The following AP2B1 variants were observed in gnomAD, a reference collection of about 807,000 sequenced individuals.
The protein encoded by AP2B1 is AP-2 complex subunit beta.
In AP2B1, 23 loss-of-function variants were observed where a neutral mutation model predicts 102.0. That is an observed-to-expected ratio of 0.23 (90% CI 0.16 to 0.32). The LOEUF (loss-of-function observed/expected upper bound fraction) is 0.32, where lower values mean the gene tolerates loss of function less well. Ranked by LOEUF, AP2B1 falls within the 10% of genes least tolerant of loss-of-function variation. The pLI, the probability that AP2B1 is intolerant of heterozygous loss-of-function variation, is 1.00. For synonymous variants in AP2B1, 381 were observed against 421.2 expected (o/e 0.90, Z 1.17); for missense variants, 541 against 1,157.4 (o/e 0.47, Z 7.73).
chr17:35,612,744 A>G (rs2073899384), intron 5 of AP2B1, among the ~76,000 whole-genome samples: 1 of 152,116 alleles, frequency 6.6e-6, no homozygotes, highest in Non-Finnish European at 1.5e-5. Context: ...CCCAGACTCC[A>G]TTGCTGGTTA....
At chr17:35,612,273 C>T (rs2073886926) in intron 5 of AP2B1, among the ~76,000 whole-genome samples, 1 of 152,128 alleles carries the variant, frequency 6.6e-6, no homozygotes, top group Non-Finnish European at 1.5e-5. Flanking sequence ...ACCTCACAAG[C>T]CTGAGAACAG....
At chr17:35,588,222 C>T (rs1367505952) in intron 1 of AP2B1, among the ~76,000 whole-genome samples, 3 of 95,750 alleles carry the variant, frequency 3.1e-5, no homozygotes, top group African/African-American at 8.5e-5. Context: ...CAAGAGTAGT[C>T]TTCTATTGGA....
chr17:35,638,693 G>A (rs1009222312), intron 10 of AP2B1, among the ~76,000 whole-genome samples: 6 of 151,956 alleles, frequency 3.9e-5, no homozygotes, highest in Admixed American at 6.6e-5. Context: ...GGAGGCTGAG[G>A]CAGGAGAATG....
Position 35,641,680 on chromosome 17 carries a change from T to C in AP2B1, c.1438-197T>C, listed in dbSNP as rs563544111. The stretch of plus-strand genomic sequence containing the variant: ...GAGGTTAAAAGGGTAGAGTTTTCGG[T>C]TGAATACCTTTGTATTTCCCACGAA... On this transcript the variant is annotated intron_variant, in intron 11 of 21. Coordinates refer to ENST00000610402, the MANE Select transcript of AP2B1 (RefSeq NM_001030006.2). 4.6e-5 allele frequency among the ~76,000 whole-genome samples: 7 copies of C among 152,346 alleles called. No homozygotes were observed. The East Asian group carries it at 7.7e-4, about 17-fold the overall frequency.
At chr17:35,605,326 G>T (rs1003202724) in intron 3 of AP2B1, among the ~76,000 whole-genome samples, 1 of 149,218 alleles carries the variant, frequency 6.7e-6, no homozygotes, top group Middle Eastern at 3.5e-3. Context: ...TCAGCTCACC[G>T]CAAACTCTGC....
rs2075890698 is a variant in AP2B1 at position 35,684,523 on chromosome 17, G to A, written c.2454+1699G>A. On this transcript the variant is annotated intron_variant, in intron 18 of 21. Transcript: ENST00000610402. ...TTGCCAGTTCACTAACTACCTTGTT[G>A]CCACAGTAGTTGACTGCCTTTTTTT... Among the ~76,000 whole-genome samples, 3 of 152,176 alleles carry A rather than the reference G, an allele frequency of 2.0e-5. No individual in the cohort carries two copies. The South Asian group carries it at 6.2e-4, about 32-fold the overall frequency.
intron 4 of AP2B1, among the ~76,000 whole-genome samples, chr17:35,606,460 G>T (rs2073679314): frequency 6.6e-6 from 1 of 151,912 alleles, no homozygotes; most frequent in African/African-American, 2.4e-5. Context: ...GGCTGATCTC[G>T]TGCTCCTAAC....
intron 18 of AP2B1, among the ~76,000 whole-genome samples, chr17:35,687,666 G>A (rs2075963932): frequency 6.6e-6 from 1 of 151,914 alleles, no homozygotes; most frequent in African/African-American, 2.4e-5. Flanking sequence ...TGCTACCTTA[G>A]GAGAATCTCA....
intron 18 of AP2B1, among the ~76,000 whole-genome samples, chr17:35,705,828 C>G (rs768574422): frequency 6.4e-4 from 98 of 152,236 alleles, no homozygotes; most frequent in Non-Finnish European, 7.8e-4. Context: ...AGGCGTGAGC[C>G]ACTGTGCCCA....
intron 9 of AP2B1, 41 bp from the exon 10 acceptor site, chr17:35,636,300 T>C (rs2074605387): frequency 6.9e-7 from 1 of 1,446,030 alleles, no homozygotes; most frequent in Non-Finnish European, 9.6e-7. Flanking sequence ...TGTTATCGCA[T>C]AGATCATCTG....
chr17:35,639,854 T>A (rs2074716481), intron 11 of AP2B1, 94 bp downstream of exon 11: 4 of 1,080,018 alleles, frequency 3.7e-6, no homozygotes, highest in Non-Finnish European at 5.4e-6. Flanking sequence ...CTTCTGTGTC[T>A]GTATTTACAT....
At chr17:35,617,128 T>C (rs1439607873) in intron 5 of AP2B1, among the ~76,000 whole-genome samples, 3 of 152,174 alleles carry the variant, frequency 2.0e-5, no homozygotes, top group Non-Finnish European at 4.4e-5. Context: ...CAATCTCGGC[T>C]TACTGCAACC....
rs1487580729 is a variant in AP2B1, at chr17:35,725,933, C to T, written c.*2234C>T. The T allele has an allele frequency of 3.3e-5, 5 of 152,132 alleles. No homozygotes were observed. The highest frequency in any genetic ancestry group is 1.2e-4 in the African/African-American group (5 of 41,410). The allele number at this position is 152,132 out of a possible 1,614,324, so 9.4% of individuals were successfully genotyped here. A position where few individuals can be genotyped will look rare whatever the true frequency, so the allele number is the denominator to read the frequency against. ...GAGCCAACCCATGAACTCTTCACTC[C>T]TTGGGGAAGCCACCTCCCATCACAC... On this transcript the variant is annotated 3_prime_UTR_variant, in exon 22 of 22. Coordinates refer to ENST00000610402, the MANE Select transcript of AP2B1 (RefSeq NM_001030006.2).
At chr17:35,646,170 A>AG (rs1194276294) in intron 12 of AP2B1, among the ~76,000 whole-genome samples, 2 of 152,216 alleles carry the variant, frequency 1.3e-5, no homozygotes, top group Non-Finnish European at 2.9e-5. Flanking sequence ...TCTTCCCCTG[A>AG]GGAAGGCCTA....
At chr17:35,605,901 C>T (rs1031759341) in intron 4 of AP2B1, 61 bp downstream of exon 4, 238 of 1,577,160 alleles carry the variant, frequency 1.5e-4, no homozygotes, top group Non-Finnish European at 2.0e-4. Context: ...CCTCTGTTCA[C>T]AAGGAAGGAG....
rs71152739 is a variant in AP2B1 at position 35,616,142 on chromosome 17, CTTTTTTTTTTTTTTTTTTTTTTT to C, written c.525+7772_525+7794del. The stretch of plus-strand genomic sequence containing the variant: ...TGAACTTAGGTTTTAAAAAATATCT[CTTTTTTTTTTTTTTTTTTTTTTT>C]TTTTTTTTTTTTTTTTGGAGACGGA... On this transcript the variant is annotated intron_variant, in intron 5 of 21. Coordinates refer to ENST00000610402, the MANE Select transcript of AP2B1 (RefSeq NM_001030006.2). Among the ~76,000 whole-genome samples, 42 of 57,436 alleles carry C rather than the reference CTTTTTTTTTTTTTTTTTTTTTTT, an allele frequency of 7.3e-4. No homozygotes were observed. In the East Asian group the frequency reaches 0.011, roughly 16 times the overall value. The allele number at this position is 57,436 out of a possible 152,430, so 37.7% of individuals were successfully genotyped here.
chr17:35,682,641 G>T (rs1451495884), intron 17 of AP2B1, 54 bp from the exon 18 acceptor site: 1 of 1,577,498 alleles, frequency 6.3e-7, no homozygotes, highest in South Asian at 1.1e-5. Context: ...ACCATGCCCA[G>T]CCTAAATTCT....
intron 18 of AP2B1, among the ~76,000 whole-genome samples, chr17:35,707,761 G>A (rs1189901580): frequency 1.3e-5 from 2 of 152,192 alleles, no homozygotes; most frequent in East Asian, 1.9e-4. Flanking sequence ...CCATGCTCTA[G>A]TACATCCTAA....
At chr17:35,706,817 ATT>A (rs2076349493) in intron 18 of AP2B1, among the ~76,000 whole-genome samples, 1 of 151,472 alleles carries the variant, frequency 6.6e-6, no homozygotes, top group African/African-American at 2.4e-5. Flanking sequence ...ATATATATAT[ATT>A]TTTTTGTATT....
Sources: gnomAD v4.1 joint callset for allele counts (sites outside exome capture counted in the v4.1 genomes callset) on GRCh38, gnomAD v4.1.1 for gene constraint, MANE v1.5 for transcripts, NCBI Gene and HGNC (gene_info 2026-07-23, HGNC 2026-07-21) for gene names.